Variants in PDE3B observed in about 807,000 individuals in gnomAD.
The protein encoded by PDE3B is phosphodiesterase 3B.
In PDE3B, 66 loss-of-function variants were observed where a neutral mutation model predicts 116.8. The ratio of observed to expected loss-of-function variants is 0.56; its 90% confidence interval spans 0.46 to 0.69. The LOEUF (loss-of-function observed/expected upper bound fraction) is 0.69, where lower values mean the gene tolerates loss of function less well. PDE3B is among the 30% of genes least tolerant of loss of function. The pLI, the probability that PDE3B is intolerant of heterozygous loss-of-function variation, is 0.00. For synonymous variants in PDE3B, 595 were observed against 533.6 expected, an observed-to-expected ratio of 1.12 and a Z score of -1.59; for missense variants, 1,384 against 1,368.1, an observed-to-expected ratio of 1.01 and a Z score of -0.18.
At chr11:14,824,428 G>A (rs1212202637) in intron 7 of PDE3B, among the ~76,000 whole-genome samples, 2 of 152,126 alleles carry the variant, frequency 1.3e-5, no homozygotes, top group South Asian at 2.1e-4. Context: ...AGATGAAATA[G>A]CCAGTATGAA....
At position 14,644,636 on chromosome 11, in the gene PDE3B, C is replaced by T; in HGVS notation, c.561C>T (p.His187=). 1 of 1,512,888 alleles carries T rather than the reference C, an allele frequency of 6.6e-7. No homozygotes were observed. Among genetic ancestry groups the T allele is most frequent in the Non-Finnish European group, 8.8e-7 (1 of 1,133,370 alleles). The allele number at this position is 1,512,888 out of a possible 1,614,324, so 93.7% of individuals were successfully genotyped here. ...GDGDAGSAAP[H]TPPEAAAGRL... ...GCGACGCAGGGTCCGCGGCCCCGCA[C>T]ACGCCCCCGGAGGCGGCAGCGGGCA... Residue 187 remains histidine (H), a synonymous_variant, in exon 1 of 16, where the codon CAC becomes CAT. Transcript: ENST00000282096.
At chr11:14,676,265 T>G (rs1464379831) in intron 1 of PDE3B, among the ~76,000 whole-genome samples, 12 of 152,176 alleles carry the variant, frequency 7.9e-5, no homozygotes, top group Admixed American at 7.9e-4. Flanking sequence ...ATGTGTTAGG[T>G]GATTTCGTCA....
chr11:14,821,536 C>T (rs1190123598), intron 7 of PDE3B, among the ~76,000 whole-genome samples: 1 of 151,864 alleles, frequency 6.6e-6, no homozygotes, highest in Non-Finnish European at 1.5e-5. Context: ...TGTAATATAC[C>T]TCAAGTGCAA....
chr11:14,782,089 T>TC (rs754067735), intron 2 of PDE3B, among the ~76,000 whole-genome samples: 1 of 152,084 alleles, frequency 6.6e-6, no homozygotes. Context: ...TACCTAGGAA[T>TC]CCAACTTGTG....
At chr11:14,891,425 T>C in the PDE3B span, 2 of 985,830 alleles carry the variant, frequency 2.0e-6, no homozygotes, top group Non-Finnish European at 1.2e-6. Context: ...GCGTTCACAA[T>C]CGTTTCCCAG....
chr11:14,899,039 G>T, the PDE3B span, among the ~76,000 whole-genome samples: 2 of 152,146 alleles, frequency 1.3e-5, no homozygotes, highest in African/African-American at 4.8e-5. Context: ...GTGACCTTTT[G>T]ATGTCAGAGG....
chr11:14,897,718 T>G, the PDE3B span, among the ~76,000 whole-genome samples: 23 of 152,308 alleles, frequency 1.5e-4, no homozygotes, highest in Non-Finnish European at 2.1e-4. Context: ...TTTCTGGGCC[T>G]GCAGGAGATG....
intron 1 of PDE3B, among the ~76,000 whole-genome samples, chr11:14,704,558 G>T (rs923072271): frequency 2.0e-5 from 3 of 151,686 alleles, no homozygotes; most frequent in Non-Finnish European, 4.4e-5. Flanking sequence ...AGACAATGTG[G>T]TATTAGTGAT....
chr11:14,865,453 G>C (rs1555007897), intron 14 of PDE3B, among the ~76,000 whole-genome samples: 1 of 152,054 alleles, frequency 6.6e-6, no homozygotes. Flanking sequence ...TGGAAAGTGG[G>C]AGTAATTGAG....
At chr11:14,686,871 G>T (rs1854892301) in intron 1 of PDE3B, among the ~76,000 whole-genome samples, 1 of 151,922 alleles carries the variant, frequency 6.6e-6, no homozygotes, top group Non-Finnish European at 1.5e-5. Context: ...CCGCCACCAT[G>T]GCTGGCTAAT....
At chr11:14,719,106 C>G (rs1218005321) in intron 1 of PDE3B, among the ~76,000 whole-genome samples, 1 of 50,548 alleles carries the variant, frequency 2.0e-5, no homozygotes, top group Non-Finnish European at 3.7e-5. Flanking sequence ...ACCGATCCCA[C>G]AGAAATACAA....
intron 4 of PDE3B, among the ~76,000 whole-genome samples, chr11:14,802,184 A>G (rs761057586): frequency 6.6e-6 from 1 of 152,172 alleles, no homozygotes; most frequent in Non-Finnish European, 1.5e-5. Context: ...TGGTATGGAA[A>G]AAACAATACA....
the PDE3B span, chr11:14,886,283 T>C: frequency 7.7e-3 from 1,514 of 195,704 alleles, 30 homozygotes; most frequent in African/African-American, 0.032. Context: ...ATTTGATATA[T>C]ATGCTCTTTT....
intron 1 of PDE3B, among the ~76,000 whole-genome samples, chr11:14,711,430 G>A (rs1193155128): frequency 6.6e-6 from 1 of 152,128 alleles, no homozygotes; most frequent in African/African-American, 2.4e-5. Context: ...TATAAGAAAA[G>A]AAGTTTAATT....
chr11:14,757,880 T>C (rs894320183), intron 1 of PDE3B, among the ~76,000 whole-genome samples: 56 of 149,432 alleles, frequency 3.7e-4, no homozygotes, highest in East Asian at 2.6e-3. Flanking sequence ...TCCTTGCCCA[T>C]GCCTATGTCC....
At chr11:14,653,685 T>G (rs760675083) in intron 1 of PDE3B, among the ~76,000 whole-genome samples, 2 of 151,866 alleles carry the variant, frequency 1.3e-5, no homozygotes, top group African/African-American at 4.8e-5. Flanking sequence ...AAAAAAATGA[T>G]TGGGGGACAG....
chr11:14,752,581 A>G (rs545872261), intron 1 of PDE3B, among the ~76,000 whole-genome samples: 40 of 152,232 alleles, frequency 2.6e-4, no homozygotes, highest in Middle Eastern at 3.4e-3. Flanking sequence ...TATGCTATGG[A>G]GTCATGGCTG....
intron 1 of PDE3B, among the ~76,000 whole-genome samples, chr11:14,743,892 C>T (rs958778499): frequency 6.6e-6 from 1 of 152,144 alleles, no homozygotes; most frequent in African/African-American, 2.4e-5. Context: ...GGGCTGGACC[C>T]ACTGTCTAAC....
intron 1 of PDE3B, among the ~76,000 whole-genome samples, chr11:14,714,539 CAAAA>C (rs759855381): frequency 5.3e-5 from 4 of 76,124 alleles, no homozygotes; most frequent in Admixed American, 1.5e-4. Context: ...AACCCTGTCT[CAAAA>C]AAAAAAAAAA....
Sources: allele counts gnomAD v4.1 joint callset (sites outside exome capture counted in the v4.1 genomes callset), GRCh38; gene constraint gnomAD v4.1.1; transcripts MANE v1.5; gene names NCBI Gene and HGNC (gene_info 2026-07-23, HGNC 2026-07-21).